The following PALLD variants were observed in gnomAD, a reference collection of about 807,000 sequenced individuals.
The protein encoded by PALLD is palladin.
In PALLD, 61 loss-of-function variants were observed where a neutral mutation model predicts 123.5. The ratio of observed to expected loss-of-function variants is 0.49; its 90% CI spans 0.40 to 0.61. The LOEUF (loss-of-function observed/expected upper bound fraction) is 0.61, where lower values mean the gene tolerates loss of function less well. PALLD is among the 20% of genes least tolerant of loss of function. The pLI, the probability that PALLD is intolerant of heterozygous loss-of-function variation, is 0.00. For synonymous variants in PALLD, 465 were observed against 496.4 expected, an observed-to-expected ratio of 0.94 and a Z score of 0.84; for missense variants, 1,273 against 1,377.0, an observed-to-expected ratio of 0.92 and a Z score of 1.20.
rs546647297 is a variant in PALLD, at chr4:168,506,971, T to A, written c.-82-4452T>A. Among the ~76,000 whole-genome samples the A allele has an allele frequency of 2.5e-4, 37 of 149,428 alleles. 1 individual carries two copies. In the South Asian group the frequency reaches 5.0e-3, roughly 20 times the overall value. ...TATTCGAAGGATTCTATCTTCTCCTTCTTTTTTCCTCGATGACCTTATGCA... is the reference window on the plus strand; with the variant it reads ...TATTCGAAGGATTCTATCTTCTCCTACTTTTTTCCTCGATGACCTTATGCA... On this transcript the variant is annotated intron_variant, in intron 1 of 21. Transcript: ENST00000505667.
intron 10 of PALLD, among the ~76,000 whole-genome samples, chr4:168,864,883 C>A (rs113333286): frequency 6.6e-6 from 1 of 152,174 alleles, no homozygotes; most frequent in Non-Finnish European, 1.5e-5. Flanking sequence ...TTTGACAGAA[C>A]GCCAGATGAA....
chr4:168,637,416 G>A (rs1038365658), intron 2 of PALLD, among the ~76,000 whole-genome samples: 11 of 151,622 alleles, frequency 7.3e-5, no homozygotes, highest in Admixed American at 7.2e-4. Flanking sequence ...ACATTGCTCA[G>A]CTAACCCGGT....
intron 10 of PALLD, among the ~76,000 whole-genome samples, chr4:168,775,756 T>C (rs2150523955): frequency 6.6e-6 from 1 of 152,342 alleles, no homozygotes; most frequent in Middle Eastern, 3.4e-3. Flanking sequence ...TGTTTGCATA[T>C]GCATTTGATT....
chr4:168,655,453 A>G (rs201808637), intron 2 of PALLD, among the ~76,000 whole-genome samples: 1 of 152,320 alleles, frequency 6.6e-6, no homozygotes, highest in East Asian at 1.9e-4. Flanking sequence ...AGATTAGACT[A>G]GAGCCAGGAC....
At chr4:168,682,865 C>T (rs181316385) in intron 4 of PALLD, 133 bp from the exon 5 acceptor site, 152 of 613,748 alleles carry the variant, frequency 2.5e-4, no homozygotes, top group African/African-American at 1.7e-3. Flanking sequence ...ACAGTTGAAG[C>T]GGATTGCGTA....
intron 10 of PALLD, among the ~76,000 whole-genome samples, chr4:168,831,569 CTGTA>C (rs1222826237): frequency 6.6e-6 from 1 of 152,188 alleles, no homozygotes; most frequent in Non-Finnish European, 1.5e-5. Context: ...CGTTTTTACA[CTGTA>C]TGTGCTTTCC....
chr4:168,808,778 T>A (rs1740613887), intron 10 of PALLD, among the ~76,000 whole-genome samples: 1 of 152,118 alleles, frequency 6.6e-6, no homozygotes, highest in African/African-American at 2.4e-5. Flanking sequence ...AACCATCAGA[T>A]CTCATGAGAC....
rs1329620844 is a variant in PALLD at position 168,640,603 on chromosome 4, A to G, written c.909-27587A>G. 2.0e-5 allele frequency among the ~76,000 whole-genome samples: 3 copies of G among 152,238 alleles called. 1 individual carries two copies. The highest frequency in any genetic ancestry group is 4.4e-5 in the Non-Finnish European group (3 of 68,038). ...GGTAGATTCAGAGATAACTGACTAC[A>G]CTTAGACCTAACTTGGGTATGATGG... On this transcript the variant is annotated intron_variant, in intron 2 of 21. Transcript: ENST00000505667.
At position 168,903,826 on chromosome 4, in the gene PALLD, G is replaced by A. The variant is rs746329925; in HGVS notation, c.2542G>A (p.Asp848Asn). 12 of 1,612,594 alleles carry A rather than the reference G, an allele frequency of 7.4e-6. No homozygotes were observed. The highest frequency in any genetic ancestry group is 2.7e-5 in the African/African-American group (2 of 74,890). The change falls in exon 15 of 22, where the codon GAT becomes AAT. Residue 848 changes from aspartate to asparagine, a missense_variant. This residue lies in a region of PALLD where 329 missense variants were observed against 422.5 expected (regional missense o/e 0.78). Transcript: ENST00000505667. ...SDHYTIQRDL[D>N]GTCSLHTTAS... Reference sequence around the variant, plus strand: ...TCACTACACCATTCAAAGAGATCTCGATGGGACCTGCTCCCTCCATACCAC... The same window carrying A: ...TCACTACACCATTCAAAGAGATCTCAATGGGACCTGCTCCCTCCATACCAC...
intron 1 of PALLD, among the ~76,000 whole-genome samples, chr4:168,500,931 G>A (rs917369203): frequency 1.3e-5 from 2 of 152,088 alleles, no homozygotes; most frequent in Non-Finnish European, 2.9e-5. Flanking sequence ...GCCAAGATAA[G>A]ATTCACAAAA....
chr4:168,860,385 G>A (rs2173812), intron 10 of PALLD, among the ~76,000 whole-genome samples: 142,261 of 152,296 alleles, frequency 0.93, 66,542 homozygotes, highest in East Asian at 1. Flanking sequence ...AAATACATCA[G>A]TGTAGTCATT....
At chr4:168,855,993 T>A (rs1215792211) in intron 10 of PALLD, among the ~76,000 whole-genome samples, 1 of 152,174 alleles carries the variant, frequency 6.6e-6, no homozygotes, top group African/African-American at 2.4e-5. Flanking sequence ...TTTCAGCCCC[T>A]CCCCACCTCC....
intron 10 of PALLD, among the ~76,000 whole-genome samples, chr4:168,724,704 C>G (rs1786373451): frequency 6.6e-6 from 1 of 152,168 alleles, no homozygotes; most frequent in Non-Finnish European, 1.5e-5. Context: ...CTTCATTATT[C>G]AAAGAGAAAC....
At chr4:168,562,768 C>A (rs1296088724) in intron 2 of PALLD, among the ~76,000 whole-genome samples, 5 of 152,020 alleles carry the variant, frequency 3.3e-5, no homozygotes, top group African/African-American at 1.2e-4. Context: ...AGAATGGAGC[C>A]GTGTGGGGAC....
chr4:168,809,720 C>T (rs1740786351), intron 10 of PALLD, among the ~76,000 whole-genome samples: 1 of 152,008 alleles, frequency 6.6e-6, no homozygotes, highest in Non-Finnish European at 1.5e-5. Context: ...AAAAATTATC[C>T]AGACGTGGTA....
chr4:168,554,079 C>T (rs1303035306), intron 2 of PALLD, among the ~76,000 whole-genome samples: 1 of 152,192 alleles, frequency 6.6e-6, no homozygotes, highest in African/African-American at 2.4e-5. Flanking sequence ...ACACAGGGAA[C>T]TATCACTAAG....
At chr4:168,589,914 T>G (rs1260425827) in intron 2 of PALLD, among the ~76,000 whole-genome samples, 2 of 152,226 alleles carry the variant, frequency 1.3e-5, no homozygotes, top group Admixed American at 1.3e-4. Context: ...TCCACCTAAG[T>G]GTAAAACCCA....
At chr4:168,780,556 G>C (rs1360353617) in intron 10 of PALLD, among the ~76,000 whole-genome samples, 3 of 152,158 alleles carry the variant, frequency 2.0e-5, no homozygotes, top group Admixed American at 6.5e-5. Flanking sequence ...CTCTTATCCT[G>C]CCTCATCCTT....
chr4:168,701,937 C>G (rs143304023), intron 8 of PALLD, among the ~76,000 whole-genome samples: 1 of 152,314 alleles, frequency 6.6e-6, no homozygotes, highest in Non-Finnish European at 1.5e-5. Flanking sequence ...CTCCAAACCT[C>G]GTAAGAAGGG....
Sources: allele counts gnomAD v4.1 joint callset (sites outside exome capture counted in the v4.1 genomes callset), GRCh38; gene constraint gnomAD v4.1.1; regional missense constraint gnomAD v4.1.1; transcripts MANE v1.5; gene names NCBI Gene and HGNC (gene_info 2026-07-23, HGNC 2026-07-21).